The following SPSB4 variants were observed in gnomAD, a reference collection of about 807,000 sequenced individuals.
SPSB4 encodes splA/ryanodine receptor domain and SOCS box containing 4, also known as SPRY domain-containing SOCS box protein 4.
In SPSB4, 21 loss-of-function variants were observed where a neutral mutation model predicts 20.9. The observed-to-expected ratio is 1.01, with a 90% CI of 0.71 to 1.45. SPSB4 has a LOEUF of 1.45. Ranked by LOEUF, SPSB4 falls within the 40% of genes most tolerant of loss-of-function variation. SPSB4 has a pLI of 0.00. For synonymous variants in SPSB4, 207 were observed against 183.8 expected, an observed-to-expected ratio of 1.13 and a Z score of -1.02; for missense variants, 399 against 399.2, an observed-to-expected ratio of 1.00 and a Z score of 0.00.
At chr3:141,119,692 T>C (rs1938933540) in intron 2 of SPSB4, among the ~76,000 whole-genome samples, 1 of 152,238 alleles carries the variant, frequency 6.6e-6, no homozygotes, top group Non-Finnish European at 1.5e-5. Context: ...TTCTAGTTTA[T>C]TTGTGTAGAG....
intron 2 of SPSB4, among the ~76,000 whole-genome samples, chr3:141,141,147 C>A (rs1939320192): frequency 6.6e-6 from 1 of 152,260 alleles, no homozygotes; most frequent in African/African-American, 2.4e-5. Context: ...GGGATATAAT[C>A]TCCTGGTGTG....
intron 2 of SPSB4, among the ~76,000 whole-genome samples, chr3:141,128,678 G>A (rs909962613): frequency 6.6e-6 from 1 of 152,062 alleles, no homozygotes; most frequent in African/African-American, 2.4e-5. Context: ...TCTGTATGTG[G>A]AGTGGCAGTT....
chr3:141,144,993 C>T (rs992073342), intron 2 of SPSB4, among the ~76,000 whole-genome samples: 2 of 151,942 alleles, frequency 1.3e-5, no homozygotes, highest in Non-Finnish European at 2.9e-5. Flanking sequence ...GATGGGGACA[C>T]CCTGAGGGAG....
intron 2 of SPSB4, among the ~76,000 whole-genome samples, chr3:141,115,875 G>A (rs1213368112): frequency 6.6e-6 from 1 of 152,136 alleles, no homozygotes; most frequent in Non-Finnish European, 1.5e-5. Context: ...GGGAGCTTGA[G>A]TGAGAAAACT....
chr3:141,066,817 G>A lies in SPSB4; in HGVS notation c.694+19G>A, dbSNP rs774769088. On this transcript the variant is annotated intron_variant, in intron 2 of 2. Coordinates refer to ENST00000310546, the MANE Select transcript of SPSB4 (RefSeq NM_080862.3). ...CTTGACCGTAAGTTGTGCTGGGCTG[G>A]GGGGCAGGGCTTTCAGAGGCTGCCA... 6.6e-6 allele frequency: 10 copies of A among 1,512,832 alleles called. No homozygotes were observed. The highest frequency in any genetic ancestry group is 4.6e-5 in the East Asian group (2 of 43,028). The allele number at this position is 1,512,832 out of a possible 1,614,324, so 93.7% of individuals were successfully genotyped here.
chr3:141,133,598 G>C (rs1295799923), intron 2 of SPSB4, among the ~76,000 whole-genome samples: 2 of 152,144 alleles, frequency 1.3e-5, no homozygotes, highest in African/African-American at 4.8e-5. Flanking sequence ...TCAGTTGGCT[G>C]TGGGTATTTG....
chr3:141,055,595 T>A (rs1199833975), intron 1 of SPSB4, among the ~76,000 whole-genome samples: 1 of 152,100 alleles, frequency 6.6e-6, no homozygotes, highest in East Asian at 1.9e-4. Flanking sequence ...CAGGGAAGCC[T>A]GCTAAGAGAC....
At chr3:141,052,264 C>G (rs1334149666) in intron 1 of SPSB4, among the ~76,000 whole-genome samples, 1 of 152,170 alleles carries the variant, frequency 6.6e-6, no homozygotes, top group Non-Finnish European at 1.5e-5. Context: ...TCCGATTCAC[C>G]CGCTTTGGTT....
chr3:141,147,195 G>A lies in SPSB4; in HGVS notation c.748G>A (p.Gly250Ser), dbSNP rs746237670. Residue 250 changes from glycine (G) to serine (S), a missense_variant, in exon 3 of 3, where the codon GGC becomes AGC. Coordinates refer to ENST00000310546, the MANE Select transcript of SPSB4 (RefSeq NM_080862.3). ...LCRRSIRSAL[G>S]RQRLQDISSL... Reference sequence around the variant, plus strand: ...CCGGAGATCCATCCGCTCGGCCCTGGGCCGCCAGCGCCTGCAGGACATCAG... The same window carrying A: ...CCGGAGATCCATCCGCTCGGCCCTGAGCCGCCAGCGCCTGCAGGACATCAG... 13 of 1,614,188 alleles carry A rather than the reference G, an allele frequency of 8.1e-6. No individual in the cohort carries two copies. Among genetic ancestry groups the A allele is most frequent in the Non-Finnish European group, 7.6e-6 (9 of 1,180,030 alleles).
intron 2 of SPSB4, among the ~76,000 whole-genome samples, chr3:141,136,679 G>C (rs1288858984): frequency 1.3e-5 from 2 of 152,104 alleles, no homozygotes; most frequent in African/African-American, 2.4e-5. Context: ...TGAGGGCTCT[G>C]TTCTGTTCCA....
rs145018642 is a variant in SPSB4 at position 141,066,703 on chromosome 3, C to A, written c.599C>A (p.Ala200Asp). Reference sequence around the variant, plus strand: ...GTGGATGGCCAGTACCTGGGCGTGGCCTTCCGAGGTCTCAAGGGCAAGAAG... The same window carrying A: ...GTGGATGGCCAGTACCTGGGCGTGGACTTCCGAGGTCTCAAGGGCAAGAAG... ...FIVDGQYLGV[A>D]FRGLKGKKLY... Residue 200 changes from alanine to aspartate, a missense_variant, in exon 2 of 3, where the codon GCC becomes GAC. By Grantham distance (126) the Ala-to-Asp change is moderately radical. Coordinates refer to ENST00000310546, the MANE Select transcript of SPSB4 (RefSeq NM_080862.3). 6.2e-7 allele frequency: 1 copy of A among 1,612,668 alleles called. No individual in the cohort carries two copies.
intron 2 of SPSB4, among the ~76,000 whole-genome samples, chr3:141,131,346 T>A (rs1226146552): frequency 6.6e-6 from 1 of 152,200 alleles, no homozygotes; most frequent in Non-Finnish European, 1.5e-5. Flanking sequence ...TGATTTTTTT[T>A]AATGTAAACT....
chr3:141,079,004 G>A (rs1262744338), intron 2 of SPSB4, among the ~76,000 whole-genome samples: 1 of 152,190 alleles, frequency 6.6e-6, no homozygotes, highest in African/African-American at 2.4e-5. Context: ...GCTCATGCCT[G>A]TAATCCCAGC....
At chr3:141,128,012 A>G (rs1411326696) in intron 2 of SPSB4, among the ~76,000 whole-genome samples, 1 of 152,114 alleles carries the variant, frequency 6.6e-6, no homozygotes, top group Non-Finnish European at 1.5e-5. Flanking sequence ...GGAATAGTGA[A>G]TTGTTCAACT....
intron 2 of SPSB4, among the ~76,000 whole-genome samples, chr3:141,135,707 G>A (rs1939216463): frequency 6.6e-6 from 1 of 152,118 alleles, no homozygotes; most frequent in African/African-American, 2.4e-5. Context: ...ATTCCATGGT[G>A]TATATGTGCC....
intron 2 of SPSB4, among the ~76,000 whole-genome samples, chr3:141,114,937 C>A (rs1004719114): frequency 6.6e-6 from 1 of 152,114 alleles, no homozygotes; most frequent in Non-Finnish European, 1.5e-5. Flanking sequence ...TTGTGGGGAA[C>A]GCAAGAGTCT....
chr3:141,079,128 G>T (rs904661652), intron 2 of SPSB4, among the ~76,000 whole-genome samples: 1 of 152,110 alleles, frequency 6.6e-6, no homozygotes, highest in Admixed American at 6.6e-5. Flanking sequence ...GGGTGTGGTG[G>T]CAGGCACCTG....
At chr3:141,145,928 C>T (rs1395938981) in intron 2 of SPSB4, among the ~76,000 whole-genome samples, 1 of 152,202 alleles carries the variant, frequency 6.6e-6, no homozygotes, top group Non-Finnish European at 1.5e-5. Context: ...TTCAAAACCC[C>T]ATTATGTGTC....
chr3:141,123,085 T>TA (rs1327885779), intron 2 of SPSB4, among the ~76,000 whole-genome samples: 1 of 152,232 alleles, frequency 6.6e-6, no homozygotes, highest in African/African-American at 2.4e-5. Context: ...AAGCCAGACC[T>TA]AAATCCTCTC....
Sources: allele counts gnomAD v4.1 joint callset (sites outside exome capture counted in the v4.1 genomes callset), GRCh38; gene constraint gnomAD v4.1.1; transcripts MANE v1.5; gene names NCBI Gene and HGNC (gene_info 2026-07-23, HGNC 2026-07-21).